SEMA3E: variants seen among roughly 807,000 people sequenced by gnomAD.
The protein encoded by SEMA3E is semaphorin-3E.
Under a neutral mutation model 93.6 loss-of-function variants are expected in SEMA3E, and 49 were observed. That is an observed-to-expected ratio of 0.52 (90% CI 0.42 to 0.66). The LOEUF (loss-of-function observed/expected upper bound fraction) is 0.66. Among genes scored for constraint, SEMA3E ranks in the 30% least tolerant of loss-of-function variants. The pLI is 0.00. For missense variants in SEMA3E, 906 were observed against 964.8 expected, an observed-to-expected ratio of 0.94 and a Z score of 0.81; for synonymous variants, 363 against 330.7, an observed-to-expected ratio of 1.10 and a Z score of -1.06.
intron 2 of SEMA3E, among the ~76,000 whole-genome samples, chr7:83,481,053 G>A (rs939997035): frequency 2.6e-5 from 4 of 152,032 alleles, no homozygotes; most frequent in Middle Eastern, 3.4e-3. Context: ...AAAAATGAAC[G>A]GCAATTTAAA....
intron 1 of SEMA3E, among the ~76,000 whole-genome samples, chr7:83,637,710 C>T (rs1169045328): frequency 6.6e-6 from 1 of 151,876 alleles, no homozygotes; most frequent in African/African-American, 2.4e-5. Context: ...TTGTAAGTTT[C>T]CTGAGGCCTC....
chr7:83,472,454 A>T (rs1040406829), intron 2 of SEMA3E, among the ~76,000 whole-genome samples: 1 of 152,138 alleles, frequency 6.6e-6, no homozygotes, highest in South Asian at 2.1e-4. Flanking sequence ...TCAGTTCCCA[A>T]ATGTTTTTGT....
At chr7:83,566,472 G>T (rs6951661) in intron 1 of SEMA3E, among the ~76,000 whole-genome samples, 16,534 of 151,696 alleles carry the variant, frequency 0.11, 965 homozygotes, top group East Asian at 0.19. Flanking sequence ...TTAACTCTTG[G>T]CCCCATTATC....
chr7:83,413,736 A>G (rs1041367203), intron 5 of SEMA3E, among the ~76,000 whole-genome samples: 1 of 152,078 alleles, frequency 6.6e-6, no homozygotes, highest in East Asian at 1.9e-4. Flanking sequence ...CTAGCTCTCA[A>G]TGTTAAGAAG....
chr7:83,648,145 C>A (rs747163034), intron 1 of SEMA3E, among the ~76,000 whole-genome samples: 1 of 152,104 alleles, frequency 6.6e-6, no homozygotes, highest in East Asian at 1.9e-4. Context: ...CTGTGTTCCG[C>A]GGGCTAGTGA....
intron 9 of SEMA3E, among the ~76,000 whole-genome samples, chr7:83,404,512 A>C (rs1414377599): frequency 6.6e-6 from 1 of 151,984 alleles, no homozygotes; most frequent in African/African-American, 2.4e-5. Context: ...TACCTGCACT[A>C]TGCCTTACCT....
intron 4 of SEMA3E, among the ~76,000 whole-genome samples, chr7:83,453,823 T>G (rs1789415352): frequency 6.6e-6 from 1 of 152,156 alleles, no homozygotes; most frequent in Admixed American, 6.5e-5. Flanking sequence ...GTTTAATATA[T>G]AAAAATTATC....
At chr7:83,406,084 A>C in intron 7 of SEMA3E, 25 bp from the exon 8 acceptor site, 4 of 1,472,392 alleles carry the variant, frequency 2.7e-6, no homozygotes, top group Non-Finnish European at 3.8e-6. Context: ...AAGGAGGTAA[A>C]TAGTTACCTA....
At chr7:83,508,463 T>C (rs1790748882) in intron 1 of SEMA3E, among the ~76,000 whole-genome samples, 1 of 152,032 alleles carries the variant, frequency 6.6e-6, no homozygotes. Flanking sequence ...AGTTTCTCCA[T>C]GTTGGTCAGG....
chr7:83,522,278 T>TA (rs1329469348), intron 1 of SEMA3E, among the ~76,000 whole-genome samples: 6 of 152,236 alleles, frequency 3.9e-5, no homozygotes, highest in African/African-American at 1.4e-4. Flanking sequence ...GACATTTTTT[T>TA]ATTTGTGGTT....
At chr7:83,463,460 C>G (rs182554606) in intron 4 of SEMA3E, among the ~76,000 whole-genome samples, 5,947 of 152,240 alleles carry the variant, frequency 0.039, 109 homozygotes, top group African/African-American at 0.069. Context: ...TTCAGCTGTA[C>G]TCACTCTTTG....
At chr7:83,483,416 A>AT (rs1419694906) in intron 2 of SEMA3E, among the ~76,000 whole-genome samples, 1 of 152,184 alleles carries the variant, frequency 6.6e-6, no homozygotes, top group East Asian at 1.9e-4. Flanking sequence ...ATAAATTACC[A>AT]TTTTAATATC....
chr7:83,387,162 C>T, intron 14 of SEMA3E, 112 bp from the exon 15 acceptor site: 1 of 852,712 alleles, frequency 1.2e-6, no homozygotes, highest in Non-Finnish European at 1.9e-6. Context: ...AAAAAATGAT[C>T]ATTCATATGA....
intron 16 of SEMA3E, among the ~76,000 whole-genome samples, chr7:83,371,262 GT>G (rs998840492): frequency 3.3e-5 from 5 of 152,094 alleles, no homozygotes; most frequent in Non-Finnish European, 7.4e-5. Flanking sequence ...TTAATGATAA[GT>G]TACAGCGAAA....
rs534307115 is a variant in SEMA3E, at chr7:83,396,609, A to AT, written c.1458+28dup. The AT allele has an allele frequency of 3.7e-3, 5,036 of 1,371,878 alleles. 29 individuals are homozygous for AT. The highest frequency in any genetic ancestry group is 9.7e-3 in the Middle Eastern group (54 of 5,550). 85.0% of individuals were successfully genotyped at this position (1,371,878 alleles called of 1,614,324 possible). Reference sequence around the variant, plus strand: ...TCTCACTTGTAGTTGTAATGCATAAATTTGGTCTGTATTTTTTGCTTTAAA... The same window carrying AT: ...TCTCACTTGTAGTTGTAATGCATAAATTTTGGTCTGTATTTTTTGCTTTAAA... On this transcript the variant is annotated intron_variant, in intron 12 of 16. Transcript: ENST00000643230.
chr7:83,462,714 T>G (rs4613941), intron 4 of SEMA3E, among the ~76,000 whole-genome samples: 65,669 of 144,654 alleles, frequency 0.45, 16,855 homozygotes, highest in African/African-American at 0.7. Flanking sequence ...CTACAGCATG[T>G]CCTTTTAAAG....
chr7:83,463,856 G>C (rs981435809), intron 4 of SEMA3E, among the ~76,000 whole-genome samples: 4 of 152,154 alleles, frequency 2.6e-5, no homozygotes, highest in East Asian at 1.9e-4. Context: ...CATCAAGCTC[G>C]AGGATTTGCC....
At chr7:83,451,839 C>T (rs1461225262) in intron 4 of SEMA3E, among the ~76,000 whole-genome samples, 1 of 152,140 alleles carries the variant, frequency 6.6e-6, no homozygotes, top group Non-Finnish European at 1.5e-5. Flanking sequence ...AAACAAAGCA[C>T]ATCTGTGAGC....
chr7:83,543,931 A>C (rs898193810), intron 1 of SEMA3E, among the ~76,000 whole-genome samples: 5 of 152,084 alleles, frequency 3.3e-5, no homozygotes, highest in African/African-American at 1.2e-4. Context: ...TTTAATCTTT[A>C]GTTAGGTCAA....
Sources: gnomAD v4.1 joint callset for allele counts (sites outside exome capture counted in the v4.1 genomes callset) on GRCh38, gnomAD v4.1.1 for gene constraint, MANE v1.5 for transcripts, NCBI Gene and HGNC (gene_info 2026-07-23, HGNC 2026-07-21) for gene names.